Variants in SMYD3 observed in about 807,000 individuals in gnomAD.
The protein encoded by SMYD3 is histone-lysine N-methyltransferase SMYD3.
In SMYD3, 36 loss-of-function variants were observed where a neutral mutation model predicts 57.7. The observed-to-expected ratio is 0.62, with a 90% CI of 0.48 to 0.82. The LOEUF is 0.82. Ranked by LOEUF, SMYD3 falls within the 40% of genes least tolerant of loss-of-function variation. The pLI, the probability that SMYD3 is intolerant of heterozygous loss-of-function variation, is 0.00. For missense variants in SMYD3, 515 were observed against 538.8 expected, an observed-to-expected ratio of 0.96 and a Z score of 0.44; for synonymous variants, 211 against 195.0, an observed-to-expected ratio of 1.08 and a Z score of -0.68.
intron 5 of SMYD3, chr1:246,178,712 C>T (rs2062477708): frequency 6.6e-6 from 1 of 152,072 alleles, no homozygotes; most frequent in Non-Finnish European, 1.5e-5. Context: ...ACAGAAATTT[C>T]TTTGTCTTTA....
intron 5 of SMYD3, among the ~76,000 whole-genome samples, chr1:246,241,824 A>G (rs1337690860): frequency 6.6e-6 from 1 of 151,922 alleles, no homozygotes; most frequent in Non-Finnish European, 1.5e-5. Flanking sequence ...GTCTTGGGAG[A>G]GTGTATCTGT....
intron 5 of SMYD3, among the ~76,000 whole-genome samples, chr1:246,125,081 A>ACACACACACACAC (rs1263823647): frequency 1.1e-3 from 126 of 109,614 alleles, no homozygotes; most frequent in South Asian, 2.5e-3. Context: ...CAAAAAAAAA[A>ACACACACACACAC]AAAAAAACAC....
chr1:246,293,792 C>A (rs1391551666), intron 5 of SMYD3, among the ~76,000 whole-genome samples: 1 of 152,162 alleles, frequency 6.6e-6, no homozygotes. Context: ...ACTCCACACT[C>A]CTAATTAGTG....
intron 10 of SMYD3, among the ~76,000 whole-genome samples, chr1:245,804,941 T>A (rs557625785): frequency 1.3e-5 from 2 of 152,296 alleles, no homozygotes; most frequent in East Asian, 1.9e-4. Context: ...ACCCACCACA[T>A]ACACAAAAGC....
At chr1:246,445,839 G>A (rs1319761647) in intron 1 of SMYD3, among the ~76,000 whole-genome samples, 1 of 149,716 alleles carries the variant, frequency 6.7e-6, no homozygotes, top group Non-Finnish European at 1.5e-5. Flanking sequence ...TTGCCTTTGA[G>A]TGGACATCCA....
In SMYD3 at chr1:246,429,760, A is replaced by C. The variant is rs140786865; in HGVS notation, c.165-74666T>G. On this transcript the variant is annotated intron_variant, in intron 1 of 11. Coordinates refer to ENST00000490107, the MANE Select transcript of SMYD3 (RefSeq NM_001167740.2). ...TGGGTCCTACAAGGGAAAATGTCTTAACTCCTGCCTCAAGGATATGACTGG... is the reference window on the plus strand; with the variant it reads ...TGGGTCCTACAAGGGAAAATGTCTTCACTCCTGCCTCAAGGATATGACTGG... Among the ~76,000 whole-genome samples the C allele has an allele frequency of 2.0e-5, 3 of 152,300 alleles. No individual in the cohort carries two copies. In the East Asian group the frequency reaches 5.8e-4, roughly 29 times the overall value.
At chr1:246,419,645 T>C (rs1470323430) in intron 1 of SMYD3, among the ~76,000 whole-genome samples, 2 of 152,146 alleles carry the variant, frequency 1.3e-5, no homozygotes, top group Non-Finnish European at 2.9e-5. Flanking sequence ...GGGACCACAC[T>C]CTTCCCTTCC....
At chr1:245,961,243 C>A (rs937146341) in intron 5 of SMYD3, among the ~76,000 whole-genome samples, 3 of 152,162 alleles carry the variant, frequency 2.0e-5, no homozygotes, top group Non-Finnish European at 4.4e-5. Flanking sequence ...CAGGGTCAAC[C>A]CTCATTTCTA....
At chr1:245,807,924 A>T (rs906181162) in intron 10 of SMYD3, among the ~76,000 whole-genome samples, 1 of 152,202 alleles carries the variant, frequency 6.6e-6, no homozygotes, top group Admixed American at 6.5e-5. Context: ...GGGTGCCTTT[A>T]ATTTTTAATA....
chr1:246,262,156 T>G (rs2064023810), intron 5 of SMYD3, among the ~76,000 whole-genome samples: 1 of 152,200 alleles, frequency 6.6e-6, no homozygotes, highest in African/African-American at 2.4e-5. Flanking sequence ...TGAGTGCAGA[T>G]GTGAGTAGAT....
At chr1:246,075,659 T>C (rs2060533150) in intron 5 of SMYD3, among the ~76,000 whole-genome samples, 1 of 152,186 alleles carries the variant, frequency 6.6e-6, no homozygotes, top group Non-Finnish European at 1.5e-5. Flanking sequence ...GGCTGAAATT[T>C]CATGAAAGAA....
At chr1:246,447,867 T>G (rs1257498132) in intron 1 of SMYD3, among the ~76,000 whole-genome samples, 1 of 152,090 alleles carries the variant, frequency 6.6e-6, no homozygotes, top group Non-Finnish European at 1.5e-5. Context: ...ATAGAAGAGG[T>G]GAGGAGATCA....
intron 5 of SMYD3, among the ~76,000 whole-genome samples, chr1:246,285,119 C>A (rs113518338): frequency 0.014 from 2,133 of 152,206 alleles, 52 homozygotes; most frequent in African/African-American, 0.048. Context: ...CACCTCCCTC[C>A]ACCCTGTCCC....
chr1:245,996,777 G>A (rs1406739860), intron 5 of SMYD3, among the ~76,000 whole-genome samples: 1 of 152,202 alleles, frequency 6.6e-6, no homozygotes, highest in African/African-American at 2.4e-5. Context: ...CCAAACTAGG[G>A]ACACCTACAG....
chr1:246,458,743 G>C lies in SMYD3; in HGVS notation c.164+48311C>G, dbSNP rs150191220. 8.9e-3 allele frequency among the ~76,000 whole-genome samples: 1,343 copies of C among 150,490 alleles called. 24 individuals are homozygous for C. The highest frequency in any genetic ancestry group is 0.03 in the African/African-American group (1,249 of 41,036). On this transcript the variant is annotated intron_variant, in intron 1 of 11. Coordinates refer to ENST00000490107, the MANE Select transcript of SMYD3 (RefSeq NM_001167740.2). ...AGCCTCCCAAAGTGCTGGGATTACA[G>C]GCGTGAGCCACCGCGCCCGGCCGGA...
intron 5 of SMYD3, among the ~76,000 whole-genome samples, chr1:246,089,028 G>C (rs933574153): frequency 5.3e-5 from 8 of 152,110 alleles, no homozygotes; most frequent in African/African-American, 1.9e-4. Flanking sequence ...CTGTCACTCA[G>C]GCTGGAGTGC....
intron 10 of SMYD3, among the ~76,000 whole-genome samples, chr1:245,791,066 C>G (rs149727340): frequency 9.8e-4 from 149 of 152,264 alleles, no homozygotes; most frequent in African/African-American, 3.3e-3. Flanking sequence ...CATGGTGAAG[C>G]TCACCACCCA....
chr1:246,184,051 T>G (rs980012283), intron 5 of SMYD3, among the ~76,000 whole-genome samples: 2 of 152,212 alleles, frequency 1.3e-5, no homozygotes, highest in African/African-American at 4.8e-5. Flanking sequence ...CAGATTATTT[T>G]AAACCAAGTA....
intron 1 of SMYD3, among the ~76,000 whole-genome samples, chr1:246,407,413 T>C (rs927387240): frequency 1.6e-4 from 24 of 152,204 alleles, no homozygotes; most frequent in Admixed American, 1.1e-3. Context: ...AGTCTCCAAT[T>C]AGAGCCGCAC....
Sources: gnomAD v4.1 joint callset for allele counts (sites outside exome capture counted in the v4.1 genomes callset) on GRCh38, gnomAD v4.1.1 for gene constraint, MANE v1.5 for transcripts, NCBI Gene and HGNC (gene_info 2026-07-23, HGNC 2026-07-21) for gene names.